POLR3B: variants seen among roughly 807,000 people sequenced by gnomAD.
The protein encoded by POLR3B is RNA polymerase III subunit B, also known as DNA-directed RNA polymerase III subunit RPC2.
POLR3B carries 96 observed loss-of-function variants against 147.4 expected under a neutral mutation model. The observed-to-expected ratio is 0.65, with a 90% CI of 0.55 to 0.77. POLR3B has a LOEUF of 0.77. POLR3B is among the 30% of genes least tolerant of loss of function. POLR3B has a pLI of 0.00. For synonymous variants in POLR3B, 461 were observed against 485.9 expected, an observed-to-expected ratio of 0.95 and a Z score of 0.67; for missense variants, 1,036 against 1,413.5, an observed-to-expected ratio of 0.73 and a Z score of 4.28.
intron 12 of POLR3B, among the ~76,000 whole-genome samples, chr12:106,412,529 A>G (rs1244835580): frequency 1.3e-5 from 2 of 152,328 alleles, no homozygotes; most frequent in Admixed American, 6.5e-5. Flanking sequence ...AAACTCACTC[A>G]GAACCATTTG....
In POLR3B at chr12:106,432,388, T is replaced by G; in HGVS notation, c.1535T>G (p.Val512Gly). The G allele has an allele frequency of 6.2e-7, 1 of 1,613,680 alleles. No individual in the cohort carries two copies. Among genetic ancestry groups the G allele is most frequent in the Non-Finnish European group, 8.5e-7 (1 of 1,179,610 alleles). Residue 512 changes from valine (V) to glycine (G), a missense_variant, in exon 15 of 28, where the codon GTT becomes GGT. Val to Gly is a moderately radical substitution (Grantham distance 109). This residue lies in a region of POLR3B where 177 missense variants were observed against 232.7 expected (regional missense o/e 0.76). Coordinates refer to ENST00000228347, the MANE Select transcript of POLR3B (RefSeq NM_018082.6). ...ACTGATATGGAAGATGGACCCATTG[T>G]TAAATTAGCCAGTAACTTGGGAGTA... ...ITTDMEDGPI[V>G]KLASNLGVED...
At chr12:106,387,760 C>G (rs1209876825) in intron 9 of POLR3B, among the ~76,000 whole-genome samples, 1 of 152,092 alleles carries the variant, frequency 6.6e-6, no homozygotes, top group African/African-American at 2.4e-5. Flanking sequence ...AGTTATGTGA[C>G]CTTGGGCATA....
Position 106,480,779 on chromosome 12 carries a change from A to G in POLR3B, c.2714-15276A>G, listed in dbSNP as rs768129328. 4.6e-5 allele frequency among the ~76,000 whole-genome samples: 7 copies of G among 152,332 alleles called. No individual in the cohort carries two copies. The South Asian group carries it at 1.4e-3, about 32-fold the overall frequency. On this transcript the variant is annotated intron_variant, in intron 23 of 27. Transcript: ENST00000228347. ...GCTCTGGTCACAAGCAGTAAACAAAATAGATTAAAGTTCCAACCCTTGCGG... is the reference window on the plus strand; with the variant it reads ...GCTCTGGTCACAAGCAGTAAACAAAGTAGATTAAAGTTCCAACCCTTGCGG...
In POLR3B at chr12:106,496,867, G is replaced by T; in HGVS notation, c.2933G>T (p.Arg978Leu). The T allele has an allele frequency of 1.2e-6, 2 of 1,613,976 alleles. No homozygotes were observed. The highest frequency in any genetic ancestry group is 1.1e-5 in the South Asian group (1 of 91,084). The change falls in exon 25 of 28, where the codon CGC (arginine) becomes CTC (leucine). Residue 978 changes from arginine (R) to leucine (L), a missense_variant. Coordinates refer to ENST00000228347, the MANE Select transcript of POLR3B (RefSeq NM_018082.6). ...AAGGATGTGTGTGAGGACCTCGTTC[G>T]CCATGGTTATAACTACTTGGGGAAA... is the stretch of plus-strand genomic sequence containing the variant. ...KVKDVCEDLV[R>L]HGYNYLGKDY...
In POLR3B at chr12:106,501,346, A is replaced by G. The variant is rs368953286; in HGVS notation, c.3008A>G (p.Tyr1003Cys). ...ITGEPLEAYI[Y>C]FGPVYYQKLK... ...AGTGAGCCCTTAGAAGCATACATCTATTTTGGCCCCGTGTACTATCAGAAG... is the reference window on the plus strand; with the variant it reads ...AGTGAGCCCTTAGAAGCATACATCTGTTTTGGCCCCGTGTACTATCAGAAG... Residue 1003 changes from tyrosine (Y) to cysteine (C), a missense_variant, in exon 26 of 28, where the codon TAT (tyrosine) becomes TGT (cysteine). Tyr to Cys is a radical substitution (Grantham distance 194). Coordinates refer to ENST00000228347, the MANE Select transcript of POLR3B (RefSeq NM_018082.6). 18 of 1,611,986 alleles carry G rather than the reference A, an allele frequency of 1.1e-5. No homozygotes were observed. The highest frequency in any genetic ancestry group is 5.5e-5 in the South Asian group (5 of 91,030).
intron 23 of POLR3B, among the ~76,000 whole-genome samples, chr12:106,494,776 A>G (rs144858430): frequency 1.3e-5 from 2 of 152,232 alleles, no homozygotes; most frequent in African/African-American, 4.8e-5. Flanking sequence ...TATATTTATA[A>G]TAAACAATAC....
intron 25 of POLR3B, among the ~76,000 whole-genome samples, chr12:106,498,757 T>C (rs754216925): frequency 5.3e-5 from 8 of 152,306 alleles, no homozygotes; most frequent in Non-Finnish European, 1.0e-4. Context: ...AGCTAGTTTT[T>C]GTATTTTGAG....
intron 23 of POLR3B, among the ~76,000 whole-genome samples, chr12:106,489,113 G>A (rs925096864): frequency 1.3e-5 from 2 of 152,168 alleles, no homozygotes; most frequent in Admixed American, 1.3e-4. Context: ...ACAGCATCGG[G>A]CAGCAATACC....
rs564972645 is a variant in POLR3B at position 106,362,970 on chromosome 12, T to C, written c.73-900T>C. Among the ~76,000 whole-genome samples the C allele has an allele frequency of 1.7e-4, 26 of 152,268 alleles. No individual in the cohort carries two copies. The East Asian group carries it at 5.0e-3, about 29-fold the overall frequency. On this transcript the variant is annotated intron_variant, in intron 1 of 27. Coordinates refer to ENST00000228347, the MANE Select transcript of POLR3B (RefSeq NM_018082.6). ...CCCCCCAAGCACCTTTTGATTTCCG[T>C]CATCATAGATTAGCTTTGCCTGCCT...
At chr12:106,482,012 C>T (rs1325377337) in intron 23 of POLR3B, among the ~76,000 whole-genome samples, 2 of 152,130 alleles carry the variant, frequency 1.3e-5, no homozygotes, top group Non-Finnish European at 2.9e-5. Context: ...GTTTAAAGCT[C>T]ACACCCTGAG....
chr12:106,372,728 G>A (rs1013263889), intron 6 of POLR3B, among the ~76,000 whole-genome samples: 1 of 152,038 alleles, frequency 6.6e-6, no homozygotes, highest in African/African-American at 2.4e-5. Flanking sequence ...TGATATACGG[G>A]ATGTGGCTTA....
intron 12 of POLR3B, among the ~76,000 whole-genome samples, chr12:106,424,691 G>T (rs750123796): frequency 6.6e-6 from 1 of 151,928 alleles, no homozygotes; most frequent in African/African-American, 2.4e-5. Flanking sequence ...TAGTGAAGGT[G>T]TTTTTTCTCT....
At chr12:106,379,689 C>A (rs184539488) in intron 8 of POLR3B, among the ~76,000 whole-genome samples, 1 of 152,134 alleles carries the variant, frequency 6.6e-6, no homozygotes, top group African/African-American at 2.4e-5. Flanking sequence ...ATGTTTAAGG[C>A]CCATATATAA....
intron 7 of POLR3B, among the ~76,000 whole-genome samples, 173 bp downstream of exon 7, chr12:106,376,623 T>A (rs2036683090): frequency 7.3e-6 from 1 of 137,488 alleles, no homozygotes; most frequent in African/African-American, 3.2e-5. Flanking sequence ...CTGTATTTCT[T>A]TCTTTCTTTT....
chr12:106,457,591 C>T (rs1335960755), intron 21 of POLR3B, among the ~76,000 whole-genome samples: 2 of 152,314 alleles, frequency 1.3e-5, no homozygotes, highest in East Asian at 3.9e-4. Flanking sequence ...TGCATCTGCA[C>T]TGGTATTTCT....
intron 13 of POLR3B, among the ~76,000 whole-genome samples, chr12:106,429,503 C>T (rs1018613439): frequency 6.6e-5 from 10 of 152,008 alleles, no homozygotes; most frequent in African/African-American, 2.4e-4. Context: ...ATTTAAATTT[C>T]AAAAATTTCT....
intron 21 of POLR3B, among the ~76,000 whole-genome samples, chr12:106,458,310 G>A (rs867206414): frequency 2.5e-4 from 38 of 152,036 alleles, no homozygotes; most frequent in Middle Eastern, 3.4e-3. Context: ...TTTTTGTAGA[G>A]ATGAGGTCTT....
chr12:106,459,086 G>A (rs1325046500), intron 21 of POLR3B, among the ~76,000 whole-genome samples, 165 bp from the exon 22 acceptor site: 3 of 152,118 alleles, frequency 2.0e-5, no homozygotes, highest in East Asian at 3.9e-4. Context: ...GAGTGCAGTG[G>A]CATGACCATA....
intron 15 of POLR3B, among the ~76,000 whole-genome samples, chr12:106,433,057 T>TC (rs1298730132): frequency 1.3e-5 from 2 of 152,302 alleles, no homozygotes; most frequent in South Asian, 4.2e-4. Context: ...CATGAGCTTA[T>TC]CCCTTATCAC....
Sources: allele counts gnomAD v4.1 joint callset (sites outside exome capture counted in the v4.1 genomes callset), GRCh38; gene constraint gnomAD v4.1.1; regional missense constraint gnomAD v4.1.1; transcripts MANE v1.5; gene names NCBI Gene and HGNC (gene_info 2026-07-23, HGNC 2026-07-21).